AGBL4: variants seen among roughly 807,000 people sequenced by gnomAD.
AGBL4 encodes the protein AGBL carboxypeptidase 4, also known as cytosolic carboxypeptidase 6.
A neutral mutation model predicts 66.4 loss-of-function variants in AGBL4; 58 were observed. The ratio of observed to expected loss-of-function variants is 0.87; its 90% CI spans 0.71 to 1.09. AGBL4 has a LOEUF of 1.09. Ranked by LOEUF, AGBL4 falls within the 50% of genes least tolerant of loss-of-function variation. The pLI, the probability that AGBL4 is intolerant of heterozygous loss-of-function variation, is 0.00. For synonymous variants in AGBL4, 234 were observed against 222.9 expected (o/e 1.05, Z -0.44); for missense variants, 579 against 631.0 (o/e 0.92, Z 0.88).
intron 11 of AGBL4, among the ~76,000 whole-genome samples, chr1:48,558,163 A>C (rs1030786344): frequency 6.6e-6 from 1 of 152,212 alleles, no homozygotes; most frequent in Admixed American, 6.5e-5. Flanking sequence ...TTTAACATAA[A>C]ATAGATAATA....
At chr1:49,925,039 A>G (rs900612772) in intron 1 of AGBL4, among the ~76,000 whole-genome samples, 2 of 152,242 alleles carry the variant, frequency 1.3e-5, no homozygotes, top group African/African-American at 2.4e-5. Flanking sequence ...CCTAGTGCCC[A>G]GTGAAACACC....
At chr1:49,914,994 A>G (rs1259553732) in intron 1 of AGBL4, among the ~76,000 whole-genome samples, 2 of 152,212 alleles carry the variant, frequency 1.3e-5, no homozygotes, top group African/African-American at 4.8e-5. Context: ...AAATATTACA[A>G]TAGCAATTAA....
chr1:49,562,447 A>C (rs550256862), intron 3 of AGBL4, among the ~76,000 whole-genome samples: 4 of 152,266 alleles, frequency 2.6e-5, no homozygotes, highest in African/African-American at 7.2e-5. Flanking sequence ...TTGAGGTCTA[A>C]CATGTAAGTC....
chr1:48,757,265 T>C (rs1343263921), intron 6 of AGBL4, among the ~76,000 whole-genome samples: 1 of 152,196 alleles, frequency 6.6e-6, no homozygotes, highest in African/African-American at 2.4e-5. Context: ...GGAAACATTT[T>C]TTCTCTCTGA....
intron 5 of AGBL4, among the ~76,000 whole-genome samples, chr1:48,924,368 A>ACC (rs1394526700): frequency 4.6e-5 from 7 of 152,134 alleles, no homozygotes; most frequent in African/African-American, 1.7e-4. Context: ...AGACCTGCAA[A>ACC]TGTTTTATGT....
At chr1:49,785,882 A>AG (rs1442984049) in intron 2 of AGBL4, among the ~76,000 whole-genome samples, 1 of 85,934 alleles carries the variant, frequency 1.2e-5, no homozygotes, top group Non-Finnish European at 2.2e-5. Flanking sequence ...GAGAAATCCC[A>AG]GGAAAAAAAA....
intron 3 of AGBL4, among the ~76,000 whole-genome samples, chr1:49,614,865 G>A (rs1347388961): frequency 6.6e-6 from 1 of 152,054 alleles, no homozygotes; most frequent in African/African-American, 2.4e-5. Context: ...ACCTTAAGGT[G>A]TACAAGTGCC....
intron 1 of AGBL4, among the ~76,000 whole-genome samples, chr1:49,873,304 T>G (rs1316483564): frequency 6.6e-6 from 1 of 152,056 alleles, no homozygotes; most frequent in Non-Finnish European, 1.5e-5. Context: ...AGGAATAAAC[T>G]GTCCTAGCCA....
At chr1:49,397,504 T>C (rs1644997237) in intron 3 of AGBL4, among the ~76,000 whole-genome samples, 1 of 152,104 alleles carries the variant, frequency 6.6e-6, no homozygotes, top group Non-Finnish European at 1.5e-5. Flanking sequence ...GCCAAAACTT[T>C]CTCTAATAAC....
intron 6 of AGBL4, among the ~76,000 whole-genome samples, chr1:48,752,144 T>G (rs1038502250): frequency 1.3e-4 from 20 of 152,158 alleles, no homozygotes; most frequent in Non-Finnish European, 2.9e-5. Context: ...ACAAGGGAGA[T>G]GTAAACATCT....
intron 4 of AGBL4, among the ~76,000 whole-genome samples, chr1:49,091,901 C>T (rs979306897): frequency 6.6e-6 from 1 of 151,926 alleles, no homozygotes; most frequent in Non-Finnish European, 1.5e-5. Flanking sequence ...GAGCTGGAGG[C>T]CATTATCGAA....
intron 3 of AGBL4, among the ~76,000 whole-genome samples, chr1:49,611,492 C>T (rs1000246076): frequency 2.0e-5 from 3 of 151,198 alleles, no homozygotes; most frequent in African/African-American, 7.3e-5. Context: ...TCTCCTGCCT[C>T]AGCCTCCCAA....
intron 3 of AGBL4, among the ~76,000 whole-genome samples, chr1:49,309,881 G>T (rs963277562): frequency 1.3e-5 from 2 of 152,032 alleles, no homozygotes; most frequent in Admixed American, 1.3e-4. Flanking sequence ...TAGCAAAATA[G>T]ACTTATCAAC....
chr1:49,441,080 A>G (rs564146603), intron 3 of AGBL4, among the ~76,000 whole-genome samples: 1 of 152,028 alleles, frequency 6.6e-6, no homozygotes, highest in South Asian at 2.1e-4. Context: ...TCTCTTCAGG[A>G]GCCCCCCGCC....
At chr1:49,875,165 T>C (rs1377763838) in intron 1 of AGBL4, among the ~76,000 whole-genome samples, 1 of 148,900 alleles carries the variant, frequency 6.7e-6, no homozygotes, top group Non-Finnish European at 1.5e-5. Context: ...TATTATTATT[T>C]TTAATTATAC....
At chr1:49,363,461 T>C (rs1038862544) in intron 3 of AGBL4, among the ~76,000 whole-genome samples, 15 of 152,234 alleles carry the variant, frequency 9.9e-5, no homozygotes, top group Non-Finnish European at 1.9e-4. Context: ...AGATGACAAA[T>C]GTCTTCTCTG....
At chr1:49,174,828 T>C (rs1646802234) in intron 4 of AGBL4, 1 of 151,416 alleles carries the variant, frequency 6.6e-6, no homozygotes, top group African/African-American at 2.4e-5. Context: ...TAAACTCAAA[T>C]GGCAGGGAAA....
At chr1:49,349,593 T>G (rs1645707380) in intron 3 of AGBL4, among the ~76,000 whole-genome samples, 3 of 152,158 alleles carry the variant, frequency 2.0e-5, no homozygotes, top group Admixed American at 2.0e-4. Flanking sequence ...TACCTCTTCT[T>G]TGTAGCACTT....
At chr1:49,703,407 A>G (rs1015875941) in intron 2 of AGBL4, among the ~76,000 whole-genome samples, 23 of 152,050 alleles carry the variant, frequency 1.5e-4, no homozygotes, top group Non-Finnish European at 3.2e-4. Context: ...AGTTTCTTTT[A>G]ACACTTAAAA....
Sources: allele counts gnomAD v4.1 joint callset (sites outside exome capture counted in the v4.1 genomes callset), GRCh38; gene constraint gnomAD v4.1.1; transcripts MANE v1.5; gene names NCBI Gene and HGNC (gene_info 2026-07-23, HGNC 2026-07-21).